Variants in GALNT18 observed in about 807,000 individuals in gnomAD.
GALNT18 encodes the protein polypeptide N-acetylgalactosaminyltransferase 18.
In GALNT18, 44 loss-of-function variants were observed where a neutral mutation model predicts 69.5. The ratio of observed to expected loss-of-function variants is 0.63; its 90% CI spans 0.50 to 0.81. The LOEUF is 0.81. GALNT18 is among the 40% of genes least tolerant of loss of function. GALNT18 has a pLI of 0.00. For synonymous variants in GALNT18, 364 were observed against 318.2 expected (o/e 1.14, Z -1.53); for missense variants, 715 against 810.0 (o/e 0.88, Z 1.42).
At chr11:11,428,955 A>G (rs1185674124) in intron 3 of GALNT18, among the ~76,000 whole-genome samples, 2 of 152,002 alleles carry the variant, frequency 1.3e-5, no homozygotes, top group South Asian at 2.1e-4. Flanking sequence ...ACTGTAGAGG[A>G]TGGTAATTTT....
chr11:11,275,186 C>T (rs1279178699), intron 10 of GALNT18, among the ~76,000 whole-genome samples: 2 of 152,228 alleles, frequency 1.3e-5, no homozygotes, highest in Admixed American at 1.3e-4. Flanking sequence ...TCCTATTTCT[C>T]CACATCCTCT....
chr11:11,289,133 G>A (rs960209298), intron 10 of GALNT18, among the ~76,000 whole-genome samples: 1 of 152,172 alleles, frequency 6.6e-6, no homozygotes, highest in African/African-American at 2.4e-5. Flanking sequence ...GAGGCTCCTG[G>A]CTTCTTCAGG....
Position 11,496,605 on chromosome 11 carries a change from G to A in GALNT18, c.236-47669C>T, listed in dbSNP as rs3885820. ...TAATCAACATCACAGAGAAGTAGAT[G>A]AAGGGCTACCACACAGAGGGTGGGA... On this transcript the variant is annotated intron_variant, in intron 1 of 10. Transcript: ENST00000227756. The surrounding 1 kb of genome is among the most constrained non-coding windows in gnomAD (Gnocchi z 4.0). Among the ~76,000 whole-genome samples, 1,907 of 152,246 alleles carry A rather than the reference G, an allele frequency of 0.013. 41 individuals are homozygous for A. The highest frequency in any genetic ancestry group is 0.043 in the African/African-American group (1,792 of 41,544).
At chr11:11,414,946 A>G (rs1484352601) in intron 3 of GALNT18, among the ~76,000 whole-genome samples, 1 of 152,188 alleles carries the variant, frequency 6.6e-6, no homozygotes, top group African/African-American at 2.4e-5. Context: ...GTAGTTCTCA[A>G]CTGGGGCTTA....
intron 9 of GALNT18, among the ~76,000 whole-genome samples, chr11:11,295,203 G>A (rs951951728): frequency 6.6e-6 from 1 of 152,148 alleles, no homozygotes; most frequent in Non-Finnish European, 1.5e-5. Context: ...TTGGGAGGGG[G>A]TGAAGGGCAG....
intron 3 of GALNT18, among the ~76,000 whole-genome samples, chr11:11,426,249 C>G (rs6484899): frequency 6.6e-6 from 1 of 152,004 alleles, no homozygotes; most frequent in Non-Finnish European, 1.5e-5. Context: ...CACATTCATG[C>G]CATATCCCTG....
chr11:11,348,249 G>T (rs1850336783), intron 6 of GALNT18, among the ~76,000 whole-genome samples: 1 of 151,950 alleles, frequency 6.6e-6, no homozygotes, highest in Non-Finnish European at 1.5e-5. Context: ...ATGGTGGCGG[G>T]TGCCTGTAAT....
At chr11:11,293,376 A>G (rs1032964380) in intron 9 of GALNT18, among the ~76,000 whole-genome samples, 183 bp from the exon 10 acceptor site, 14 of 152,172 alleles carry the variant, frequency 9.2e-5, no homozygotes, top group Non-Finnish European at 1.6e-4. Context: ...ACCCTTTTAC[A>G]TTATGATCCG....
intron 9 of GALNT18, among the ~76,000 whole-genome samples, chr11:11,305,569 G>A (rs1404287791): frequency 6.6e-6 from 1 of 152,126 alleles, no homozygotes; most frequent in Non-Finnish European, 1.5e-5. Context: ...TCAAGTCTCT[G>A]CCCCCACTAC....
At chr11:11,326,041 CTTTTT>C (rs34393732) in intron 9 of GALNT18, among the ~76,000 whole-genome samples, 4 of 105,422 alleles carry the variant, frequency 3.8e-5, no homozygotes, top group Non-Finnish European at 3.8e-5. Flanking sequence ...TGCTAAATAT[CTTTTT>C]TTTTTTTTTT....
At chr11:11,276,166 G>A (rs183860471) in intron 10 of GALNT18, among the ~76,000 whole-genome samples, 170 of 152,244 alleles carry the variant, frequency 1.1e-3, no homozygotes, top group East Asian at 3.7e-3. Context: ...ACCCATGAGC[G>A]TGGAATGTTT....
chr11:11,281,179 C>T (rs531554878), intron 10 of GALNT18, among the ~76,000 whole-genome samples: 3 of 152,268 alleles, frequency 2.0e-5, no homozygotes, highest in South Asian at 2.1e-4. Flanking sequence ...GATCTGTTGG[C>T]GTTTCCGGAG....
chr11:11,355,576 T>G (rs1850513874), intron 6 of GALNT18, among the ~76,000 whole-genome samples: 1 of 152,228 alleles, frequency 6.6e-6, no homozygotes, highest in Admixed American at 6.5e-5. Context: ...TATTTATTAT[T>G]TATTTATATA....
intron 1 of GALNT18, among the ~76,000 whole-genome samples, chr11:11,522,667 T>G (rs896609063): frequency 3.3e-5 from 5 of 152,112 alleles, no homozygotes; most frequent in African/African-American, 1.2e-4. Context: ...TGACTGGATT[T>G]TTTTCTGGAT....
intron 1 of GALNT18, among the ~76,000 whole-genome samples, chr11:11,508,128 C>A (rs926525004): frequency 6.6e-6 from 1 of 152,168 alleles, no homozygotes; most frequent in African/African-American, 2.4e-5. Context: ...TCCTTTATAG[C>A]TCTTTGTTCA....
At position 11,613,631 on chromosome 11, in the gene GALNT18, C is replaced by A. The variant is rs116756108; in HGVS notation, c.235+7728G>T. On this transcript the variant is annotated intron_variant, in intron 1 of 10. Coordinates refer to ENST00000227756, the MANE Select transcript of GALNT18 (RefSeq NM_198516.3). This position sits in a 1 kb window ranked among gnomAD's most constrained non-coding sequence, Gnocchi z 4.2. ...AGCATTGCATTACAGATGGAGCTGA[C>A]TCTAACCCCAAAGGCAAGTGAGATT... 7.0e-3 allele frequency among the ~76,000 whole-genome samples: 1,067 copies of A among 152,318 alleles called. 12 individuals carry two copies. Among genetic ancestry groups the A allele is most frequent in the African/African-American group, 0.025 (1,024 of 41,548 alleles).
At position 11,620,674 on chromosome 11, in the gene GALNT18, C is replaced by T. The variant is rs548826282; in HGVS notation, c.235+685G>A. 1.4e-4 allele frequency among the ~76,000 whole-genome samples: 22 copies of T among 152,252 alleles called. No individual in the cohort carries two copies. The highest frequency in any genetic ancestry group is 2.6e-4 in the Admixed American group (4 of 15,308). ...GTCATCACCACAGTGGACAGAGACT[C>T]CAGCGCTACTTCCCGGCGTTGACAC... On this transcript the variant is annotated intron_variant, in intron 1 of 10. Transcript: ENST00000227756. This position sits in a 1 kb window ranked among gnomAD's most constrained non-coding sequence, Gnocchi z 6.9.
Position 11,584,586 on chromosome 11 carries a change from G to A in GALNT18, c.235+36773C>T, listed in dbSNP as rs757812663. ...CCACAGAGAGCCGTTTGCCCCTTGAGATTCCTGAGGAGTGTGGAGAGCAAA... is the reference window on the plus strand; with the variant it reads ...CCACAGAGAGCCGTTTGCCCCTTGAAATTCCTGAGGAGTGTGGAGAGCAAA... On this transcript the variant is annotated intron_variant, in intron 1 of 10. Coordinates refer to ENST00000227756, the MANE Select transcript of GALNT18 (RefSeq NM_198516.3). The surrounding 1 kb of genome is among the most constrained non-coding windows in gnomAD (Gnocchi z 4.1). Among the ~76,000 whole-genome samples, 8 of 152,170 alleles carry A rather than the reference G, an allele frequency of 5.3e-5. No individual in the cohort carries two copies. Among genetic ancestry groups the A allele is most frequent in the African/African-American group, 1.9e-4 (8 of 41,456 alleles).
chr11:11,280,587 A>G lies in GALNT18; in HGVS notation c.1678-9297T>C, dbSNP rs569074589. ...AGGAGAGGTGAGGCCTGCGTCTCCC[A>G]GTTTTTCCCAGCATTTCCAGGTTTA... On this transcript the variant is annotated intron_variant, in intron 10 of 10. Coordinates refer to ENST00000227756, the MANE Select transcript of GALNT18 (RefSeq NM_198516.3). Among the ~76,000 whole-genome samples, 12 of 152,196 alleles carry G rather than the reference A, an allele frequency of 7.9e-5. 1 individual carries two copies. Among genetic ancestry groups the G allele is most frequent in the African/African-American group, 2.9e-4 (12 of 41,516 alleles).
Sources: allele counts gnomAD v4.1 joint callset (sites outside exome capture counted in the v4.1 genomes callset), GRCh38; gene constraint gnomAD v4.1.1; non-coding constraint Gnocchi (gnomAD v3.1); transcripts MANE v1.5; gene names NCBI Gene and HGNC (gene_info 2026-07-23, HGNC 2026-07-21).